Variants in CNTLN observed in about 807,000 individuals in gnomAD.
The protein encoded by CNTLN is centlein, also known as centlein, centrosomal protein.
A neutral mutation model predicts 180.0 loss-of-function variants in CNTLN; 212 were observed. That is an observed-to-expected ratio of 1.18 (90% confidence interval 1.05 to 1.32). The LOEUF is 1.32. Among genes scored for constraint, CNTLN ranks in the 40% most tolerant of loss-of-function variants. The pLI is 0.00. For synonymous variants in CNTLN, 722 were observed against 563.1 expected, an observed-to-expected ratio of 1.28 and a Z score of -3.99; for missense variants, 2,095 against 1,610.9, an observed-to-expected ratio of 1.30 and a Z score of -5.14.
At chr9:17,269,788 G>A (rs977665913) in intron 5 of CNTLN, among the ~76,000 whole-genome samples, 1 of 152,052 alleles carries the variant, frequency 6.6e-6, no homozygotes, top group Non-Finnish European at 1.5e-5. Context: ...CTGTAGTGTT[G>A]TTCTACTCCT....
the CNTLN span, among the ~76,000 whole-genome samples, chr9:17,513,704 TA>T: frequency 6.6e-6 from 1 of 151,764 alleles, no homozygotes. Context: ...ACCCTGTCTT[TA>T]AAAAACAAAT....
chr9:17,274,517 C>G (rs1335754569), intron 6 of CNTLN, among the ~76,000 whole-genome samples: 2 of 150,150 alleles, frequency 1.3e-5, no homozygotes, highest in African/African-American at 4.9e-5. Flanking sequence ...ATCTTTCTAT[C>G]TATCCATCCA....
chr9:17,371,298 C>G (rs1277047154), intron 13 of CNTLN, among the ~76,000 whole-genome samples: 1 of 151,990 alleles, frequency 6.6e-6, no homozygotes, highest in East Asian at 1.9e-4. Flanking sequence ...CATGCCAGTA[C>G]AAACCAAAGA....
Position 17,309,117 on chromosome 9 carries a change from G to C in CNTLN, c.1206G>C (p.Arg402=). 2 of 1,607,508 alleles carry C rather than the reference G, an allele frequency of 1.2e-6. No individual in the cohort carries two copies. The highest frequency in any genetic ancestry group is 4.5e-5 in the East Asian group (2 of 44,726). ...CAAAATCAAATGAAGCTATGCTCCGGCAAAGTGTTACTAATCTTCAGGATC... is the reference window on the plus strand; with the variant it reads ...CAAAATCAAATGAAGCTATGCTCCGCCAAAGTGTTACTAATCTTCAGGATC... ...ETTKSNEAML[R]QSVTNLQDQL... Residue 402 remains arginine (R), a synonymous_variant, in exon 8 of 26, where the codon CGG becomes CGC. Transcript: ENST00000380647.
chr9:17,171,734 A>T (rs117566703), intron 2 of CNTLN, among the ~76,000 whole-genome samples: 2,468 of 151,700 alleles, frequency 0.016, 37 homozygotes, highest in Middle Eastern at 0.041. Context: ...GGGCACAGGC[A>T]CCCCCACCGG....
At chr9:17,337,710 G>A (rs892435948) in intron 10 of CNTLN, among the ~76,000 whole-genome samples, 9 of 152,086 alleles carry the variant, frequency 5.9e-5, no homozygotes, top group African/African-American at 2.2e-4. Context: ...AATGACTAAT[G>A]GTAGTTGAGG....
chr9:17,217,335 A>G (rs1040623791), intron 2 of CNTLN, among the ~76,000 whole-genome samples: 1 of 152,218 alleles, frequency 6.6e-6, no homozygotes, highest in African/African-American at 2.4e-5. Flanking sequence ...ATTGAACGTA[A>G]TTCAACATTC....
At chr9:17,209,324 A>T (rs1462772054) in intron 2 of CNTLN, among the ~76,000 whole-genome samples, 2 of 152,280 alleles carry the variant, frequency 1.3e-5, no homozygotes, top group Admixed American at 1.3e-4. Flanking sequence ...GGAATTTTTT[A>T]TTGAGTCACA....
At chr9:17,386,528 A>G (rs1344825134) in intron 13 of CNTLN, among the ~76,000 whole-genome samples, 1 of 152,210 alleles carries the variant, frequency 6.6e-6, no homozygotes, top group African/African-American at 2.4e-5. Flanking sequence ...AAATCCTGGG[A>G]TCCTTGAAGA....
intron 15 of CNTLN, among the ~76,000 whole-genome samples, chr9:17,395,687 T>C (rs1826462023): frequency 6.6e-6 from 1 of 152,188 alleles, no homozygotes; most frequent in Admixed American, 6.5e-5. Context: ...CTCTAAAGAT[T>C]CCTAGTCTTA....
At chr9:17,280,970 A>C (rs1202401553) in intron 6 of CNTLN, among the ~76,000 whole-genome samples, 1 of 152,148 alleles carries the variant, frequency 6.6e-6, no homozygotes, top group Non-Finnish European at 1.5e-5. Context: ...GCTGAGGTTG[A>C]ATCTCAAAAG....
At chr9:17,359,523 A>C (rs2133370000) in intron 12 of CNTLN, among the ~76,000 whole-genome samples, 1 of 151,740 alleles carries the variant, frequency 6.6e-6, no homozygotes, top group East Asian at 1.9e-4. Flanking sequence ...CCTGTGACTA[A>C]ATAAGAAAAG....
intron 6 of CNTLN, among the ~76,000 whole-genome samples, chr9:17,278,295 A>G (rs1174261423): frequency 6.6e-6 from 1 of 150,610 alleles, no homozygotes; most frequent in Non-Finnish European, 1.5e-5. Flanking sequence ...CTTTTTCAGA[A>G]CTTTTCTGGC....
chr9:17,254,903 C>T (rs540297398), intron 5 of CNTLN, among the ~76,000 whole-genome samples: 1 of 151,806 alleles, frequency 6.6e-6, no homozygotes, highest in African/African-American at 2.4e-5. Context: ...ACAACATTGT[C>T]TTCCAATCCA....
intron 2 of CNTLN, among the ~76,000 whole-genome samples, chr9:17,211,602 G>A (rs1470437898): frequency 1.3e-5 from 2 of 152,162 alleles, no homozygotes; most frequent in African/African-American, 4.8e-5. Flanking sequence ...AAAGTCATTG[G>A]TAGCTTGATG....
At chr9:17,147,335 A>T (rs2131472784) in intron 2 of CNTLN, among the ~76,000 whole-genome samples, 1 of 152,298 alleles carries the variant, frequency 6.6e-6, no homozygotes, top group East Asian at 1.9e-4. Context: ...ATGTAGGCAA[A>T]TGCTGCAGGT....
intron 2 of CNTLN, among the ~76,000 whole-genome samples, chr9:17,166,051 C>G (rs1234364961): frequency 6.6e-6 from 1 of 152,048 alleles, no homozygotes; most frequent in Non-Finnish European, 1.5e-5. Flanking sequence ...TTGAGTAAAA[C>G]TTTTAATATG....
intron 23 of CNTLN, among the ~76,000 whole-genome samples, chr9:17,483,047 A>G (rs1398074765): frequency 1.3e-5 from 2 of 152,170 alleles, no homozygotes; most frequent in South Asian, 4.1e-4. Flanking sequence ...ATACAAAATT[A>G]AAAATATTTT....
In CNTLN at chr9:17,267,367, C is replaced by T. The variant is rs1373340838; in HGVS notation, c.850-6366C>T. ...TTTTTAAGAATGTTGAATATAGGCC[C>T]CCACTCTCTTCTGGCTTGTAGAGTT... On this transcript the variant is annotated intron_variant, in intron 5 of 25. Transcript: ENST00000380647. Among the ~76,000 whole-genome samples the T allele has an allele frequency of 3.9e-5, 6 of 152,036 alleles. No homozygotes were observed. In the South Asian group the frequency reaches 1.0e-3, roughly 26 times the overall value.
Sources: allele counts gnomAD v4.1 joint callset (sites outside exome capture counted in the v4.1 genomes callset), GRCh38; gene constraint gnomAD v4.1.1; transcripts MANE v1.5; gene names NCBI Gene and HGNC (gene_info 2026-07-23, HGNC 2026-07-21).